The following OPCML variants were observed in gnomAD, a reference collection of about 807,000 sequenced individuals.
The protein encoded by OPCML is opioid-binding protein/cell adhesion molecule.
In OPCML, 13 loss-of-function variants were observed where a neutral mutation model predicts 37.8. The observed-to-expected ratio is 0.34, with a 90% CI of 0.22 to 0.55. The LOEUF is 0.55. OPCML is among the 20% of genes least tolerant of loss of function. OPCML has a pLI of 0.91. For synonymous variants in OPCML, 176 were observed against 168.8 expected (o/e 1.04, Z -0.33); for missense variants, 341 against 435.6 (o/e 0.78, Z 1.93).
chr11:133,519,555 A>G (rs1425894621), intron 1 of OPCML, among the ~76,000 whole-genome samples: 1 of 152,138 alleles, frequency 6.6e-6, no homozygotes, highest in Non-Finnish European at 1.5e-5. Flanking sequence ...CAAGATTATA[A>G]GATGCTTTTA....
chr11:132,892,517 C>T (rs1243153119), intron 2 of OPCML, among the ~76,000 whole-genome samples: 1 of 152,182 alleles, frequency 6.6e-6, no homozygotes, highest in African/African-American at 2.4e-5. Context: ...GCCTGTAATC[C>T]TAGCATTTTG....
intron 3 of OPCML, among the ~76,000 whole-genome samples, chr11:132,532,480 T>A (rs1429868483): frequency 6.6e-6 from 1 of 152,152 alleles, no homozygotes; most frequent in African/African-American, 2.4e-5. Context: ...TTACAAATGG[T>A]GAGATAAATA....
At chr11:133,500,663 T>G (rs1290672479) in intron 1 of OPCML, among the ~76,000 whole-genome samples, 1 of 152,140 alleles carries the variant, frequency 6.6e-6, no homozygotes, top group East Asian at 1.9e-4. Flanking sequence ...CGGGGAGAAT[T>G]ACCCGGCTCG....
At chr11:132,438,569 C>G in intron 4 of OPCML, among the ~76,000 whole-genome samples, 1 of 150,956 alleles carries the variant, frequency 6.6e-6, no homozygotes, top group Non-Finnish European at 1.5e-5. Context: ...GGGTGGGCAG[C>G]AGGAAGGTGG....
chr11:132,631,619 C>A (rs1281513579), intron 3 of OPCML, among the ~76,000 whole-genome samples: 2 of 150,568 alleles, frequency 1.3e-5, no homozygotes, highest in African/African-American at 4.9e-5. Flanking sequence ...GCCACCACGC[C>A]CGGCTAATTT....
chr11:132,758,293 C>A (rs1946133033), intron 2 of OPCML, among the ~76,000 whole-genome samples: 1 of 152,078 alleles, frequency 6.6e-6, no homozygotes, highest in African/African-American at 2.4e-5. Context: ...ACGGCCTCTT[C>A]TTTGGTTCCA....
intron 4 of OPCML, among the ~76,000 whole-genome samples, chr11:132,459,150 C>T (rs2096092207): frequency 6.6e-6 from 1 of 152,120 alleles, no homozygotes; most frequent in African/African-American, 2.4e-5. Context: ...CCTGCCTGCT[C>T]AGGCTGGAAC....
chr11:132,558,819 T>A (rs1468194341), intron 3 of OPCML, among the ~76,000 whole-genome samples: 1 of 151,954 alleles, frequency 6.6e-6, no homozygotes, highest in Non-Finnish European at 1.5e-5. Context: ...GATGATTGCA[T>A]AATTGTTGAC....
At chr11:133,437,509 A>G (rs1471058548) in intron 1 of OPCML, among the ~76,000 whole-genome samples, 1 of 152,188 alleles carries the variant, frequency 6.6e-6, no homozygotes, top group Non-Finnish European at 1.5e-5. Flanking sequence ...TTTCCTTCAG[A>G]GACCTCTCAC....
intron 1 of OPCML, among the ~76,000 whole-genome samples, chr11:133,250,019 CAG>C (rs1443113757): frequency 1.3e-5 from 2 of 152,182 alleles, no homozygotes; most frequent in African/African-American, 4.8e-5. Context: ...CTTGCCTGGT[CAG>C]AGACAATGAA....
intron 1 of OPCML, among the ~76,000 whole-genome samples, chr11:133,124,229 A>C (rs189086732): frequency 6.6e-6 from 1 of 152,084 alleles, no homozygotes; most frequent in African/African-American, 2.4e-5. Context: ...TCTTAAGTCC[A>C]GCTTTCCCTG....
chr11:133,182,392 G>A (rs180902613), intron 1 of OPCML, among the ~76,000 whole-genome samples: 3 of 152,284 alleles, frequency 2.0e-5, no homozygotes, highest in Admixed American at 2.0e-4. Flanking sequence ...TATCTAAGCT[G>A]AACAGATCTC....
At chr11:133,201,781 A>G (rs1443134779) in intron 1 of OPCML, among the ~76,000 whole-genome samples, 1 of 152,202 alleles carries the variant, frequency 6.6e-6, no homozygotes, top group African/African-American at 2.4e-5. Flanking sequence ...ACACTGGCTA[A>G]AGCCACTATG....
At chr11:133,330,159 T>C (rs1177271275) in intron 1 of OPCML, among the ~76,000 whole-genome samples, 1 of 152,174 alleles carries the variant, frequency 6.6e-6, no homozygotes, top group Non-Finnish European at 1.5e-5. Flanking sequence ...CCACTTAGAA[T>C]GGTGATCATT....
In OPCML at chr11:132,460,314, T is replaced by C. The variant is rs187681903; in HGVS notation, c.506-22955A>G. The stretch of plus-strand genomic sequence containing the variant: ...ATTGATTAGTGCCAAGGCTCCACCA[T>C]GTGAAACCTCCATTGCTTTTGTACT... On this transcript the variant is annotated intron_variant, in intron 4 of 7. Coordinates refer to ENST00000524381, the MANE Select transcript of OPCML (RefSeq NM_001012393.5). Among the ~76,000 whole-genome samples, 206 of 152,216 alleles carry C rather than the reference T, an allele frequency of 1.4e-3. 1 individual carries two copies. The highest frequency in any genetic ancestry group is 4.5e-3 in the African/African-American group (185 of 41,526).
At chr11:132,963,514 C>T (rs1003538133) in intron 1 of OPCML, among the ~76,000 whole-genome samples, 2 of 151,634 alleles carry the variant, frequency 1.3e-5, no homozygotes, top group Admixed American at 1.3e-4. Context: ...ATCGCTTGAA[C>T]CCAGGAGGCG....
At chr11:132,963,100 G>A (rs1946128493) in intron 1 of OPCML, among the ~76,000 whole-genome samples, 1 of 152,164 alleles carries the variant, frequency 6.6e-6, no homozygotes, top group Admixed American at 6.5e-5. Flanking sequence ...AACCCCAGAT[G>A]CTTGCAGGGT....
intron 1 of OPCML, among the ~76,000 whole-genome samples, chr11:133,492,773 A>T (rs988306459): frequency 6.6e-6 from 1 of 152,004 alleles, no homozygotes; most frequent in African/African-American, 2.4e-5. Context: ...TATTAACGGG[A>T]AATTTATAAG....
At chr11:132,845,627 A>G (rs1941492322) in intron 2 of OPCML, among the ~76,000 whole-genome samples, 1 of 152,042 alleles carries the variant, frequency 6.6e-6, no homozygotes, top group Non-Finnish European at 1.5e-5. Context: ...GGGGCCCTGA[A>G]TTCTCTCACT....
Sources: allele counts gnomAD v4.1 joint callset (sites outside exome capture counted in the v4.1 genomes callset), GRCh38; gene constraint gnomAD v4.1.1; transcripts MANE v1.5; gene names NCBI Gene and HGNC (gene_info 2026-07-23, HGNC 2026-07-21).